Variants in WDR46 observed in about 807,000 individuals in gnomAD.
The protein encoded by WDR46 is WD repeat-containing protein 46.
Under a neutral mutation model 74.7 loss-of-function variants are expected in WDR46, and 58 were observed. The ratio of observed to expected loss-of-function variants is 0.78; its 90% CI spans 0.63 to 0.97. WDR46 has a LOEUF of 0.97. Among genes scored for constraint, WDR46 ranks in the 50% least tolerant of loss-of-function variants. WDR46 has a pLI of 0.00. For synonymous variants in WDR46, 278 were observed against 297.3 expected (o/e 0.93, Z 0.67); for missense variants, 702 against 790.1 (o/e 0.89, Z 1.34).
In WDR46 at chr6:33,288,330, A is replaced by G. The variant is rs1766889765; in HGVS notation, c.473+28T>C. On this transcript the variant is annotated intron_variant, in intron 4 of 14. Transcript: ENST00000374617. ...AAAAGACAGTCCCAAAAGGCAGGGA[A>G]TGGGGGTCCAGATTAGGGCTCACTC... The G allele has an allele frequency of 1.9e-6, 3 of 1,613,516 alleles. No individual in the cohort carries two copies. The South Asian group carries it at 3.3e-5, about 18-fold the overall frequency.
chr6:33,288,743 A>G, intron 2 of WDR46, 49 bp from the exon 3 acceptor site: 1 of 1,612,726 alleles, frequency 6.2e-7, no homozygotes, highest in Non-Finnish European at 8.5e-7. Flanking sequence ...ATTGACCCCA[A>G]CCCTCTCACT....
intron 10 of WDR46, among the ~76,000 whole-genome samples, chr6:33,281,727 CT>C (rs1370419082): frequency 6.6e-6 from 1 of 152,204 alleles, no homozygotes; most frequent in East Asian, 1.9e-4. Context: ...ACTGGAGGCC[CT>C]TGCCCTGCCC....
chr6:33,287,076 A>G lies in WDR46; in HGVS notation c.1015+15T>C. ...AGTCAGGATGGTCAGAGTCAAAACT[A>G]AGCCAGGTACTGACCATTGCTGTGT... On this transcript the variant is annotated intron_variant, in intron 9 of 14. Coordinates refer to ENST00000374617, the MANE Select transcript of WDR46 (RefSeq NM_005452.6). 2 of 1,608,250 alleles carry G rather than the reference A, an allele frequency of 1.2e-6. No individual in the cohort carries two copies. The highest frequency in any genetic ancestry group is 1.7e-6 in the Non-Finnish European group (2 of 1,176,406).
intron 10 of WDR46, chr6:33,284,721 GT>G (rs1320023842): frequency 1.3e-5 from 2 of 153,690 alleles, no homozygotes; most frequent in African/African-American, 4.8e-5. Context: ...GCCAAGAATG[GT>G]TTTTACATTT....
intron 10 of WDR46, among the ~76,000 whole-genome samples, chr6:33,281,624 T>C (rs374022909): frequency 9.9e-4 from 151 of 152,292 alleles, no homozygotes; most frequent in East Asian, 1.7e-3. Flanking sequence ...CCACAGCTCA[T>C]GATCCCAACA....
intron 11 of WDR46, 28 bp from the exon 12 acceptor site, chr6:33,280,550 G>A (rs1228892250): frequency 4.4e-6 from 7 of 1,598,966 alleles, no homozygotes; most frequent in African/African-American, 1.3e-5. Flanking sequence ...GAAGCATGGA[G>A]CCATAAGGAA....
chr6:33,279,600 G>A lies in WDR46; in HGVS notation c.1631C>T (p.Pro544Leu), dbSNP rs372414839. 42 of 1,614,050 alleles carry A rather than the reference G, an allele frequency of 2.6e-5. No individual in the cohort carries two copies. Among genetic ancestry groups the A allele is most frequent in the African/African-American group, 6.7e-5 (5 of 74,938 alleles). The change falls in exon 14 of 15, where the codon CCG (proline) becomes CTG (leucine). Residue 544 changes from proline (P) to leucine (L), a missense_variant. By Grantham distance (98) the Pro-to-Leu change is moderately conservative. Coordinates refer to ENST00000374617, the MANE Select transcript of WDR46 (RefSeq NM_005452.6). ...KEQIERLGYDPQAKAPFQPKP... is the reference protein window; with the variant it reads ...KEQIERLGYDLQAKAPFQPKP... ...TGGCTGGAAGGGAGCCTTAGCCTGC[G>A]GGTCATAGCCCTGAGGGAGGGGACA... is the stretch of plus-strand genomic sequence containing the variant.
chr6:33,287,324 C>T (rs1323669172), intron 8 of WDR46, 31 bp downstream of exon 8: 3 of 1,612,748 alleles, frequency 1.9e-6, no homozygotes, highest in Non-Finnish European at 2.5e-6. Flanking sequence ...CAAGGGCTTC[C>T]AACCAGTTCC....
chr6:33,280,336 G>T, intron 12 of WDR46, 92 bp downstream of exon 12: 1 of 1,381,114 alleles, frequency 7.2e-7, no homozygotes, highest in Non-Finnish European at 1.0e-6. Flanking sequence ...ACCTTCTCCA[G>T]GAAGGAGGAA....
rs1426500154 is a variant in WDR46 at position 33,288,898 on chromosome 6, T to C, written c.185A>G (p.Tyr62Cys). 3.1e-6 allele frequency: 5 copies of C among 1,614,130 alleles called. No homozygotes were observed. The Admixed American group carries it at 6.7e-5, about 22-fold the overall frequency. Residue 62 changes from tyrosine (Y) to cysteine (C), a missense_variant, in exon 2 of 15, where the codon TAC becomes TGC. Tyr to Cys is a radical substitution (Grantham distance 194). Transcript: ENST00000374617. ...AGAGATCCGAGACTTCTTTAAGATG[T>C]AAGCATTTTTTGGTCTCTGAGGACG... is the stretch of plus-strand genomic sequence containing the variant. ...ELRPQRPKNA[Y>C]ILKKSRISKK...
In WDR46 at chr6:33,287,974, CGA is replaced by C; in HGVS notation, c.612_613del (p.Arg205AsnfsTer18). The C allele has an allele frequency of 6.2e-7, 1 of 1,614,120 alleles. No individual in the cohort carries two copies. The highest frequency in any genetic ancestry group is 8.5e-7 in the Non-Finnish European group (1 of 1,180,014). ...TAGAATTCAACCTTACCTTCCAGTT[CGA>C]GAGTAGTTTAGTCTGTAGGGTCCAA... On this transcript the variant is annotated frameshift_variant, in exon 6 of 15. Coordinates refer to ENST00000374617, the MANE Select transcript of WDR46 (RefSeq NM_005452.6). LOFTEE classifies it high-confidence loss of function.
At position 33,288,439 on chromosome 6, in the gene WDR46, C is replaced by A. The variant is rs761958035; in HGVS notation, c.392G>T (p.Arg131Leu). 6.2e-7 allele frequency: 1 copy of A among 1,614,144 alleles called. No homozygotes were observed. The highest frequency in any genetic ancestry group is 2.2e-5 in the East Asian group (1 of 44,888). ...LPHSKAKTRS[R>L]LEVAEAEEEE... is the part of the protein sequence containing the mutation. ...TTCCTCAGCTTCAGCCACCTCAAGT[C>A]GGCTTCGAGTTTTGGCTTTAGAATG... is the stretch of plus-strand genomic sequence containing the variant. Residue 131 changes from arginine (R) to leucine (L), a missense_variant, in exon 4 of 15, where the codon CGA becomes CTA. Coordinates refer to ENST00000374617, the MANE Select transcript of WDR46 (RefSeq NM_005452.6).
chr6:33,289,108 C>T lies in WDR46; in HGVS notation c.63G>A (p.Lys21=), dbSNP rs371709260. ...VPPKKDKLQT[K]RKKPRRYWEE... Reference sequence around the variant, plus strand: ...CACCCAGGGAGGCCTCTACCTTTCTCTTGGTCTGAAGTTTGTCTTTCTTGG... The same window carrying T: ...CACCCAGGGAGGCCTCTACCTTTCTTTTGGTCTGAAGTTTGTCTTTCTTGG... Residue 21 remains lysine, a synonymous_variant, in exon 1 of 15, where the codon AAG becomes AAA. Transcript: ENST00000374617. 6.2e-7 allele frequency: 1 copy of T among 1,613,178 alleles called. No homozygotes were observed. The highest frequency in any genetic ancestry group is 1.3e-5 in the African/African-American group (1 of 74,782).
At position 33,288,873 on chromosome 6, in the gene WDR46, A is replaced by T. The variant is rs1766979060; in HGVS notation, c.210T>A (p.Ser70=). 1 of 1,613,960 alleles carries T rather than the reference A, an allele frequency of 6.2e-7. No individual in the cohort carries two copies. Among genetic ancestry groups the T allele is most frequent in the Admixed American group, 1.7e-5 (1 of 60,000 alleles). The part of the protein sequence containing the change: ...NAYILKKSRI[S]KKPQVPKKPR... ...GTTTCTTCGGGACCTGAGGCTTCTT[A>T]GAGATCCGAGACTTCTTTAAGATGT... The change falls in exon 2 of 15, where the codon TCT becomes TCA. Residue 70 remains serine, a synonymous_variant. Coordinates refer to ENST00000374617, the MANE Select transcript of WDR46 (RefSeq NM_005452.6).
chr6:33,281,593 C>T (rs1262599008), intron 10 of WDR46, among the ~76,000 whole-genome samples: 2 of 152,176 alleles, frequency 1.3e-5, no homozygotes, highest in Non-Finnish European at 2.9e-5. Flanking sequence ...TGTGAGGTTT[C>T]TTTAAAGTCA....
At position 33,285,672 on chromosome 6, in the gene WDR46, C is replaced by T. The variant is rs182557754; in HGVS notation, c.1115+1123G>A. Among the ~76,000 whole-genome samples, 101 of 152,072 alleles carry T rather than the reference C, an allele frequency of 6.6e-4. No individual in the cohort carries two copies. In the East Asian group the frequency reaches 0.016, roughly 24 times the overall value. On this transcript the variant is annotated intron_variant, in intron 10 of 14. Transcript: ENST00000374617. The stretch of plus-strand genomic sequence containing the variant: ...CCAAGTTGCCGGAATTACAGGCCCC[C>T]GCCACGACACCCGGCTAATTTTGTG...
At chr6:33,281,886 T>C (rs1464070822) in intron 10 of WDR46, among the ~76,000 whole-genome samples, 1 of 152,172 alleles carries the variant, frequency 6.6e-6, no homozygotes, top group Non-Finnish European at 1.5e-5. Flanking sequence ...CAAGCTGGAG[T>C]GCAGTGGCAT....
Position 33,288,248 on chromosome 6 carries a change from G to C in WDR46, c.474-13C>G, listed in dbSNP as rs376047969. ...CCCTTCCAGAAACCTGAAAGCAAGGGTTAGGATGGCAGTAAAGCTTCCCAA... is the reference window on the plus strand; with the variant it reads ...CCCTTCCAGAAACCTGAAAGCAAGGCTTAGGATGGCAGTAAAGCTTCCCAA... On this transcript the variant is annotated splice_polypyrimidine_tract_variant and intron_variant, in intron 4 of 14. Transcript: ENST00000374617. The C allele has an allele frequency of 6.2e-7, 1 of 1,614,170 alleles. No homozygotes were observed. Among genetic ancestry groups the C allele is most frequent in the Non-Finnish European group, 8.5e-7 (1 of 1,180,032 alleles).
rs774045578 is a variant in WDR46, at chr6:33,279,243, A to G, written c.*33T>C. On this transcript the variant is annotated 3_prime_UTR_variant, in exon 15 of 15. Coordinates refer to ENST00000374617, the MANE Select transcript of WDR46 (RefSeq NM_005452.6). ...CATTTCCCTACAGGTGATCTTGGGG[A>G]GAGACTGTTCCCAGGCAACCCTGGA... 10 of 1,612,962 alleles carry G rather than the reference A, an allele frequency of 6.2e-6. No homozygotes were observed. In the South Asian group the frequency reaches 8.8e-5, roughly 14 times the overall value.
Sources: gnomAD v4.1 joint callset for allele counts (sites outside exome capture counted in the v4.1 genomes callset) on GRCh38, gnomAD v4.1.1 for gene constraint, MANE v1.5 for transcripts, NCBI Gene and HGNC (gene_info 2026-07-23, HGNC 2026-07-21) for gene names.